SPIDR: variants seen among roughly 807,000 people sequenced by gnomAD.
SPIDR encodes DNA repair-scaffolding protein.
Under a neutral mutation model 104.6 loss-of-function variants are expected in SPIDR, and 93 were observed. The ratio of observed to expected loss-of-function variants is 0.89; its 90% confidence interval spans 0.75 to 1.06. The LOEUF (loss-of-function observed/expected upper bound fraction) is 1.06. SPIDR is among the 50% of genes least tolerant of loss of function. The probability of loss-of-function intolerance (pLI) is 0.00; values close to 1 mark genes in which losing one functional copy is unlikely to be tolerated. For missense variants in SPIDR, 1,154 were observed against 1,111.2 expected, an observed-to-expected ratio of 1.04 and a Z score of -0.55; for synonymous variants, 431 against 416.9, an observed-to-expected ratio of 1.03 and a Z score of -0.41.
intron 9 of SPIDR, among the ~76,000 whole-genome samples, chr8:47,596,886 T>C (rs2061680835): frequency 6.6e-6 from 1 of 152,048 alleles, no homozygotes; most frequent in Non-Finnish European, 1.5e-5. Context: ...AACACAAACA[T>C]ACACAATAGC....
intron 8 of SPIDR, among the ~76,000 whole-genome samples, chr8:47,479,071 G>A (rs1190797897): frequency 2.0e-5 from 3 of 152,112 alleles, no homozygotes; most frequent in Non-Finnish European, 4.4e-5. Context: ...TTAAAGAAAG[G>A]GATGTGGGGC....
intron 10 of SPIDR, among the ~76,000 whole-genome samples, chr8:47,612,490 T>C (rs1276156966): frequency 6.6e-6 from 1 of 152,236 alleles, no homozygotes; most frequent in East Asian, 1.9e-4. Flanking sequence ...TGAAATGATA[T>C]ATGTTCAAGA....
At position 47,701,769 on chromosome 8, in the gene SPIDR, C is replaced by CA; in HGVS notation, c.1823dup (p.His608GlnfsTer8). The CA allele has an allele frequency of 1.9e-6, 3 of 1,614,164 alleles. No individual in the cohort carries two copies. The highest frequency in any genetic ancestry group is 2.5e-6 in the Non-Finnish European group (3 of 1,180,028). On this transcript the variant is annotated frameshift_variant, in exon 13 of 20. Transcript: ENST00000297423. LOFTEE classifies it high-confidence loss of function. ...AGCCTTGTGTTACATCCTCACAGCT[C>CA]ATCCAAATCTGGGACAAATTGATAT...
chr8:47,360,336 G>C (rs561357193), intron 5 of SPIDR, among the ~76,000 whole-genome samples: 45 of 150,672 alleles, frequency 3.0e-4, no homozygotes, highest in Non-Finnish European at 7.4e-5. Flanking sequence ...TCTAATTGCT[G>C]TGTGGTTAGT....
At chr8:47,260,906 G>A, upstream of SPIDR, 6 of 1,207,746 alleles carry the variant, frequency 5.0e-6, no homozygotes, top group Non-Finnish European at 6.2e-6. Context: ...GGCGCGCCGA[G>A]GTGGGACGGC....
chr8:47,460,467 A>G (rs1304031052), intron 8 of SPIDR, among the ~76,000 whole-genome samples: 6 of 152,086 alleles, frequency 3.9e-5, no homozygotes, highest in Admixed American at 1.3e-4. Flanking sequence ...TTTGTCTGTT[A>G]TAAAAATAGC....
At chr8:47,303,190 C>G (rs1308225855) in intron 5 of SPIDR, among the ~76,000 whole-genome samples, 1 of 152,216 alleles carries the variant, frequency 6.6e-6, no homozygotes, top group Non-Finnish European at 1.5e-5. Context: ...AGTTTGATCT[C>G]AGACTGCTGT....
chr8:47,629,383 A>G (rs1429253833), intron 10 of SPIDR, among the ~76,000 whole-genome samples: 7 of 152,248 alleles, frequency 4.6e-5, no homozygotes, highest in Non-Finnish European at 8.8e-5. Context: ...GTCTGAAAGC[A>G]TCAGTCTGAA....
At chr8:47,601,489 AT>A (rs2062278632) in intron 10 of SPIDR, among the ~76,000 whole-genome samples, 1 of 152,054 alleles carries the variant, frequency 6.6e-6, no homozygotes, top group Admixed American at 6.5e-5. Context: ...AGGTCAGGGG[AT>A]CGAGACCATC....
In SPIDR at chr8:47,447,236, CAG is replaced by C. The variant is rs1255965288; in HGVS notation, c.1097+6697_1097+6698del. Among the ~76,000 whole-genome samples the C allele has an allele frequency of 1.1e-4, 16 of 152,230 alleles. 2 individuals carry two copies. The highest frequency in any genetic ancestry group is 3.4e-3 in the Middle Eastern group (1 of 294). On this transcript the variant is annotated intron_variant, in intron 8 of 19. Coordinates refer to ENST00000297423, the MANE Select transcript of SPIDR (RefSeq NM_001080394.4). ...TTTGTTTTGTTTTGTTTTTTTGAGACAGAGTCTTGCTCTGTCAGCCAGGCTGA... is the reference window on the plus strand; with the variant it reads ...TTTGTTTTGTTTTGTTTTTTTGAGACAGTCTTGCTCTGTCAGCCAGGCTGA...
intron 5 of SPIDR, among the ~76,000 whole-genome samples, chr8:47,395,299 A>T (rs1168600914): frequency 1.3e-5 from 2 of 152,204 alleles, no homozygotes; most frequent in Non-Finnish European, 2.9e-5. Context: ...CAATGAGCCG[A>T]GATCATGCCA....
chr8:47,280,938 C>T (rs1431466120), intron 2 of SPIDR, among the ~76,000 whole-genome samples: 1 of 152,172 alleles, frequency 6.6e-6, no homozygotes, highest in Admixed American at 6.5e-5. Context: ...AACCATTGAG[C>T]ATACTACTCT....
chr8:47,706,323 G>A (rs895500015), intron 14 of SPIDR, among the ~76,000 whole-genome samples: 5 of 152,164 alleles, frequency 3.3e-5, no homozygotes, highest in Non-Finnish European at 5.9e-5. Context: ...AACCTGGGAG[G>A]CGGAGCTTGC....
chr8:47,434,184 A>G (rs758806113), intron 7 of SPIDR, among the ~76,000 whole-genome samples: 36 of 152,188 alleles, frequency 2.4e-4, no homozygotes, highest in Non-Finnish European at 5.1e-4. Context: ...GGTGGTAACC[A>G]GTGTTAGAGT....
At chr8:47,707,701 G>A (rs529055730) in intron 14 of SPIDR, among the ~76,000 whole-genome samples, 1 of 152,254 alleles carries the variant, frequency 6.6e-6, no homozygotes, top group Non-Finnish European at 1.5e-5. Flanking sequence ...TTATTCTTTT[G>A]TGTTCTTTTC....
intron 8 of SPIDR, among the ~76,000 whole-genome samples, chr8:47,471,333 A>G (rs2154357865): frequency 1.3e-5 from 2 of 152,142 alleles, no homozygotes; most frequent in South Asian, 2.1e-4. Context: ...GTCAAAAAAA[A>G]AAAAAAAAAC....
intron 14 of SPIDR, among the ~76,000 whole-genome samples, chr8:47,711,334 GT>G (rs1380339743): frequency 6.6e-6 from 1 of 151,994 alleles, no homozygotes; most frequent in Admixed American, 6.6e-5. Flanking sequence ...TGGTTTTGGG[GT>G]TTTTTTAGTT....
At chr8:47,516,298 C>T (rs1483301327) in intron 8 of SPIDR, among the ~76,000 whole-genome samples, 2 of 152,112 alleles carry the variant, frequency 1.3e-5, no homozygotes, top group Non-Finnish European at 2.9e-5. Flanking sequence ...ATAAAAATTA[C>T]CATTTTAACC....
chr8:47,267,224 T>C (rs2034276383), intron 1 of SPIDR, among the ~76,000 whole-genome samples: 1 of 152,190 alleles, frequency 6.6e-6, no homozygotes, highest in Admixed American at 6.5e-5. Context: ...CTCATTATAT[T>C]GCCCAGGCTG....
Sources: allele counts gnomAD v4.1 joint callset (sites outside exome capture counted in the v4.1 genomes callset), GRCh38; gene constraint gnomAD v4.1.1; transcripts MANE v1.5; gene names NCBI Gene and HGNC (gene_info 2026-07-23, HGNC 2026-07-21).